DLG2: variants seen among roughly 807,000 people sequenced by gnomAD.
DLG2 encodes the protein discs large MAGUK scaffold protein 2, also known as disks large homolog 2.
Under a neutral mutation model 132.5 loss-of-function variants are expected in DLG2, and 45 were observed. The ratio of observed to expected loss-of-function variants is 0.34; its 90% confidence interval spans 0.27 to 0.44. The LOEUF is 0.44. Ranked by LOEUF, DLG2 falls within the 20% of genes least tolerant of loss-of-function variation. DLG2 has a pLI of 1.00. For synonymous variants in DLG2, 424 were observed against 419.6 expected (o/e 1.01, Z -0.13); for missense variants, 1,045 against 1,196.9 (o/e 0.87, Z 1.87).
At chr11:84,362,549 T>G (rs1445090384) in intron 7 of DLG2, among the ~76,000 whole-genome samples, 1 of 152,030 alleles carries the variant, frequency 6.6e-6, no homozygotes, top group Non-Finnish European at 1.5e-5. Flanking sequence ...AGGGTACATG[T>G]GCACAATGTG....
At chr11:83,895,145 C>CTTTTTTTTTTT (rs11287512) in intron 15 of DLG2, among the ~76,000 whole-genome samples, 1 of 87,902 alleles carries the variant, frequency 1.1e-5, no homozygotes, top group Non-Finnish European at 2.1e-5. Context: ...GAACTACTGT[C>CTTTTTTTTTTT]TTTTTTTTTT....
chr11:83,737,771 G>A (rs183213211), intron 18 of DLG2, among the ~76,000 whole-genome samples: 1 of 152,204 alleles, frequency 6.6e-6, no homozygotes, highest in Admixed American at 6.5e-5. Flanking sequence ...GGTTAACACT[G>A]TGAAACCCCA....
At chr11:85,028,791 C>A (rs1423701270) in intron 6 of DLG2, among the ~76,000 whole-genome samples, 1 of 152,080 alleles carries the variant, frequency 6.6e-6, no homozygotes, top group South Asian at 2.1e-4. Flanking sequence ...ATCCAGGTCA[C>A]TGCTGGGTGG....
At chr11:84,434,557 T>G (rs1293351875) in intron 7 of DLG2, among the ~76,000 whole-genome samples, 1 of 152,192 alleles carries the variant, frequency 6.6e-6, no homozygotes, top group Non-Finnish European at 1.5e-5. Flanking sequence ...AAATAATTTC[T>G]ATTTAATAGG....
chr11:83,784,353 A>G (rs2094952456), intron 18 of DLG2, among the ~76,000 whole-genome samples: 2 of 152,258 alleles, frequency 1.3e-5, no homozygotes, highest in African/African-American at 2.4e-5. Context: ...AGTTAAATTA[A>G]GGCTCAGTTA....
intron 7 of DLG2, among the ~76,000 whole-genome samples, chr11:84,400,156 C>T (rs544288090): frequency 6.6e-6 from 1 of 152,314 alleles, no homozygotes; most frequent in African/African-American, 2.4e-5. Flanking sequence ...TATAAGCCCC[C>T]AGTTAGGAGA....
At chr11:84,366,446 C>T (rs1008084071) in intron 7 of DLG2, among the ~76,000 whole-genome samples, 1 of 151,578 alleles carries the variant, frequency 6.6e-6, no homozygotes, top group Admixed American at 6.6e-5. Context: ...ATGACAGGAT[C>T]AAATTCACAC....
chr11:84,966,216 A>G (rs535932929), intron 6 of DLG2, among the ~76,000 whole-genome samples: 2 of 152,146 alleles, frequency 1.3e-5, no homozygotes, highest in East Asian at 1.9e-4. Flanking sequence ...CTATCTATCT[A>G]TCTGTCTGTC....
intron 3 of DLG2, among the ~76,000 whole-genome samples, chr11:85,297,164 C>T (rs1206380827): frequency 2.0e-5 from 3 of 151,980 alleles, no homozygotes; most frequent in Non-Finnish European, 4.4e-5. Flanking sequence ...AAAGAGTTAG[C>T]TTAAGAGAAA....
intron 3 of DLG2, among the ~76,000 whole-genome samples, chr11:85,535,583 CAAG>C (rs556464687): frequency 2.0e-3 from 298 of 152,168 alleles, no homozygotes; most frequent in Non-Finnish European, 3.3e-3. Flanking sequence ...TGGCAGTTCT[CAAG>C]AAGTTAAACA....
intron 7 of DLG2, among the ~76,000 whole-genome samples, chr11:84,258,880 G>A (rs1173569728): frequency 6.6e-6 from 1 of 152,138 alleles, no homozygotes; most frequent in African/African-American, 2.4e-5. Flanking sequence ...AGTTATCAGA[G>A]GTTTCTGGGT....
chr11:83,557,490 CA>C (rs1353839828), intron 19 of DLG2, among the ~76,000 whole-genome samples: 1 of 152,190 alleles, frequency 6.6e-6, no homozygotes, highest in African/African-American at 2.4e-5. Flanking sequence ...CCAATTTTAG[CA>C]GGGATATTTG....
chr11:85,085,911 C>A (rs1284697302), intron 6 of DLG2, among the ~76,000 whole-genome samples: 1 of 152,010 alleles, frequency 6.6e-6, no homozygotes, highest in Non-Finnish European at 1.5e-5. Context: ...ATTGTCAATT[C>A]TATGTGGTTA....
In DLG2 at chr11:84,502,800, A is replaced by G. The variant is rs142216685; in HGVS notation, c.519+31770T>C. Among the ~76,000 whole-genome samples, 559 of 152,258 alleles carry G rather than the reference A, an allele frequency of 3.7e-3. 4 individuals carry two copies. Among genetic ancestry groups the G allele is most frequent in the African/African-American group, 0.013 (543 of 41,552 alleles). ...CAGCCCTTTAAGGATCTTACTTTTT[A>G]AAATGGAAGGCATAGAAGTAGGCAA... On this transcript the variant is annotated intron_variant, in intron 7 of 27. Coordinates refer to ENST00000376104, the MANE Select transcript of DLG2 (RefSeq NM_001142699.3).
chr11:84,407,552 A>C (rs187036264), intron 7 of DLG2, among the ~76,000 whole-genome samples: 1 of 152,160 alleles, frequency 6.6e-6, no homozygotes, highest in African/African-American at 2.4e-5. Flanking sequence ...GTTTCTTTCT[A>C]TTTTTAGTTC....
chr11:84,030,617 A>C (rs1410051370), intron 11 of DLG2, among the ~76,000 whole-genome samples: 3 of 152,144 alleles, frequency 2.0e-5, no homozygotes, highest in African/African-American at 7.2e-5. Context: ...CCTCAACCCA[A>C]GTTTAGAGAA....
chr11:84,282,013 A>G (rs2097858970), intron 7 of DLG2, among the ~76,000 whole-genome samples: 2 of 152,188 alleles, frequency 1.3e-5, no homozygotes, highest in African/African-American at 4.8e-5. Flanking sequence ...TTCTGCTCCT[A>G]GGCATTTACT....
chr11:84,302,207 G>C (rs935230856), intron 7 of DLG2, among the ~76,000 whole-genome samples: 1 of 152,076 alleles, frequency 6.6e-6, no homozygotes, highest in Non-Finnish European at 1.5e-5. Flanking sequence ...GGGGTTGAGG[G>C]GCTAGGGGAG....
At chr11:84,045,493 C>G (rs2096221780) in intron 11 of DLG2, among the ~76,000 whole-genome samples, 1 of 151,704 alleles carries the variant, frequency 6.6e-6, no homozygotes. Flanking sequence ...GCCAAAACTT[C>G]ATATGAAATA....
Sources: allele counts gnomAD v4.1 joint callset (sites outside exome capture counted in the v4.1 genomes callset), GRCh38; gene constraint gnomAD v4.1.1; transcripts MANE v1.5; gene names NCBI Gene and HGNC (gene_info 2026-07-23, HGNC 2026-07-21).